ANO10: variants seen among roughly 807,000 people sequenced by gnomAD.
ANO10 encodes anoctamin-10.
Under a neutral mutation model 74.7 loss-of-function variants are expected in ANO10, and 77 were observed. The ratio of observed to expected loss-of-function variants is 1.03; its 90% CI spans 0.86 to 1.25. The LOEUF (loss-of-function observed/expected upper bound fraction) is 1.25. ANO10 is among the 50% of genes most tolerant of loss of function. The pLI is 0.00. For missense variants in ANO10, 721 were observed against 778.1 expected (o/e 0.93, Z 0.87); for synonymous variants, 279 against 284.9 (o/e 0.98, Z 0.21).
At chr3:43,636,291 T>A (rs1028909391) in intron 1 of ANO10, 6 of 152,270 alleles carry the variant, frequency 3.9e-5, no homozygotes, top group Non-Finnish European at 8.8e-5. Flanking sequence ...TGAGGACTGC[T>A]GGCCAAGGGA....
At chr3:43,532,581 T>C (rs963860185) in intron 11 of ANO10, among the ~76,000 whole-genome samples, 1 of 152,194 alleles carries the variant, frequency 6.6e-6, no homozygotes, top group Non-Finnish European at 1.5e-5. Context: ...TTATATCATA[T>C]AATAAAATTG....
chr3:43,488,438 T>G (rs1220067063), intron 11 of ANO10, among the ~76,000 whole-genome samples: 13 of 147,192 alleles, frequency 8.8e-5, no homozygotes, highest in African/African-American at 3.1e-4. Flanking sequence ...AGGGCTAATA[T>G]CCAGAATCTA....
chr3:43,397,870 T>C (rs2092411479), intron 12 of ANO10, among the ~76,000 whole-genome samples: 1 of 152,226 alleles, frequency 6.6e-6, no homozygotes, highest in Non-Finnish European at 1.5e-5. Context: ...CAGAGATCAC[T>C]GTCCTTCACT....
intron 12 of ANO10, among the ~76,000 whole-genome samples, chr3:43,373,759 C>G (rs1047471065): frequency 1.3e-5 from 2 of 152,178 alleles, no homozygotes; most frequent in African/African-American, 4.8e-5. Context: ...ACTACAGCCA[C>G]CTCCCAAATC....
intron 8 of ANO10, 106 bp from the exon 9 acceptor site, chr3:43,561,508 CAATTA>C: frequency 3.0e-6 from 3 of 1,002,522 alleles, no homozygotes; most frequent in Non-Finnish European, 4.4e-6. Flanking sequence ...AGCATAAATA[CAATTA>C]TGCAACAAAT....
intron 2 of ANO10, among the ~76,000 whole-genome samples, chr3:43,604,531 C>T (rs116517669): frequency 9.4e-4 from 142 of 151,036 alleles, no homozygotes; most frequent in African/African-American, 3.1e-3. Context: ...CATGTGACTT[C>T]GGTCTTTTAT....
chr3:43,562,455 CAAAAAA>C (rs1169816392), intron 8 of ANO10, among the ~76,000 whole-genome samples: 3 of 69,958 alleles, frequency 4.3e-5, no homozygotes, highest in Non-Finnish European at 4.9e-5. Context: ...CTGTCTCAAA[CAAAAAA>C]AAAAAAAAAA....
intron 1 of ANO10, among the ~76,000 whole-genome samples, chr3:43,631,259 C>T (rs1206855252): frequency 1.3e-5 from 2 of 152,186 alleles, no homozygotes. Flanking sequence ...GTAGTGTGCA[C>T]CAGCCTCATT....
At chr3:43,470,810 TAG>T (rs2075826933) in intron 11 of ANO10, among the ~76,000 whole-genome samples, 1 of 151,994 alleles carries the variant, frequency 6.6e-6, no homozygotes, top group African/African-American at 2.4e-5. Context: ...GTGATTTTTA[TAG>T]AGAGTGGTTT....
At chr3:43,676,868 T>C (rs2084129459) in intron 1 of ANO10, among the ~76,000 whole-genome samples, 1 of 152,084 alleles carries the variant, frequency 6.6e-6, no homozygotes, top group African/African-American at 2.4e-5. Context: ...GCTTTCTAAG[T>C]ACATGGCCTT....
chr3:43,459,331 C>G (rs1168357789), intron 11 of ANO10, among the ~76,000 whole-genome samples: 2 of 152,118 alleles, frequency 1.3e-5, no homozygotes, highest in Non-Finnish European at 2.9e-5. Flanking sequence ...ATGCACTTCC[C>G]TAGTAAATGG....
At chr3:43,528,692 A>T (rs941745746) in intron 11 of ANO10, among the ~76,000 whole-genome samples, 1 of 152,218 alleles carries the variant, frequency 6.6e-6, no homozygotes, top group Non-Finnish European at 1.5e-5. Context: ...CAGGCAAAGA[A>T]GATCCAACAT....
Position 43,561,388 on chromosome 3 carries a change from G to C in ANO10, c.1308C>G (p.Leu436=), listed in dbSNP as rs1159005993. 1 of 1,614,002 alleles carries C rather than the reference G, an allele frequency of 6.2e-7. No individual in the cohort carries two copies. Among genetic ancestry groups the C allele is most frequent in the East Asian group, 2.2e-5 (1 of 44,884 alleles). ...GGTTGAGGATCTGGGAGGTAATTAG[G>C]AGAGTGGCCAAGCTCTAAAGAGAAG... is the stretch of plus-strand genomic sequence containing the variant. The part of the protein sequence containing the change: ...MKLLRQSLAT[L]LITSQILNQI... Residue 436 remains leucine (L), a synonymous_variant, in exon 9 of 13, where the codon CTC becomes CTG. Transcript: ENST00000292246.
chr3:43,682,771 T>G (rs1452912011), intron 1 of ANO10, among the ~76,000 whole-genome samples: 3 of 152,142 alleles, frequency 2.0e-5, no homozygotes, highest in African/African-American at 7.2e-5. Flanking sequence ...GAAGGCTAGT[T>G]CAACATACGC....
At chr3:43,532,882 G>T (rs1472878656) in intron 11 of ANO10, among the ~76,000 whole-genome samples, 1 of 152,194 alleles carries the variant, frequency 6.6e-6, no homozygotes. Flanking sequence ...GGGAATTCAT[G>T]TAAAGCACAT....
chr3:43,499,064 T>A (rs117426439), intron 11 of ANO10, among the ~76,000 whole-genome samples: 3,689 of 152,218 alleles, frequency 0.024, 62 homozygotes, highest in South Asian at 0.11. Flanking sequence ...TTGAGCCTTC[T>A]CCACCACAGT....
chr3:43,569,276 A>G (rs2080558400), intron 7 of ANO10, among the ~76,000 whole-genome samples: 1 of 126,318 alleles, frequency 7.9e-6, no homozygotes, highest in Non-Finnish European at 1.6e-5. Flanking sequence ...AACTGGTACC[A>G]TTCCTTCTGA....
chr3:43,415,532 T>C (rs2092724641), intron 12 of ANO10, among the ~76,000 whole-genome samples: 1 of 149,888 alleles, frequency 6.7e-6, no homozygotes, highest in Non-Finnish European at 1.5e-5. Context: ...TCTTATTTTT[T>C]CTTTCTTTCT....
At chr3:43,663,064 T>C (rs922681749) in intron 1 of ANO10, among the ~76,000 whole-genome samples, 1 of 151,974 alleles carries the variant, frequency 6.6e-6, no homozygotes, top group Non-Finnish European at 1.5e-5. Context: ...CATCCTGATA[T>C]GAAAGCCTGG....
Sources: gnomAD v4.1 joint callset for allele counts (sites outside exome capture counted in the v4.1 genomes callset) on GRCh38, gnomAD v4.1.1 for gene constraint, MANE v1.5 for transcripts, NCBI Gene and HGNC (gene_info 2026-07-23, HGNC 2026-07-21) for gene names.